DIAPH3: variants seen among roughly 807,000 people sequenced by gnomAD.
The protein encoded by DIAPH3 is protein diaphanous homolog 3.
Under a neutral mutation model 144.3 loss-of-function variants are expected in DIAPH3, and 117 were observed. The observed-to-expected ratio is 0.81, with a 90% confidence interval of 0.70 to 0.95. DIAPH3 has a LOEUF of 0.95. Among genes scored for constraint, DIAPH3 ranks in the 40% least tolerant of loss-of-function variants. DIAPH3 has a pLI of 0.00. For synonymous variants in DIAPH3, 519 were observed against 488.9 expected (o/e 1.06, Z -0.81); for missense variants, 1,421 against 1,412.7 (o/e 1.01, Z -0.09).
chr13:59,729,102 AAAG>A (rs376352308), intron 27 of DIAPH3, among the ~76,000 whole-genome samples: 15 of 152,228 alleles, frequency 9.9e-5, no homozygotes, highest in Admixed American at 7.2e-4. Context: ...TTCATGTGGC[AAAG>A]AAGAGAGGCA....
At chr13:59,907,711 A>C (rs535069171) in intron 20 of DIAPH3, among the ~76,000 whole-genome samples, 22 of 152,336 alleles carry the variant, frequency 1.4e-4, no homozygotes, top group African/African-American at 4.3e-4. Flanking sequence ...AACCACAAGG[A>C]GATCAGTTCA....
chr13:59,987,819 A>AT (rs1035190855), intron 12 of DIAPH3, among the ~76,000 whole-genome samples: 2 of 149,908 alleles, frequency 1.3e-5, no homozygotes, highest in African/African-American at 4.9e-5. Flanking sequence ...GAAAGGGACA[A>AT]AAAAAAAAAG....
rs928385662 is a variant in DIAPH3 at position 59,666,849 on chromosome 13, A to G, written c.3320-3T>C. ...TGTCAACTGCACTTTCTGATTTTCT[A>G]CAGTAAGGAAAAAAGAAACATAAAA... On this transcript the variant is annotated splice_polypyrimidine_tract_variant and splice_region_variant and intron_variant, in intron 27 of 27. Transcript: ENST00000400324. 3 of 1,614,088 alleles carry G rather than the reference A, an allele frequency of 1.9e-6. No homozygotes were observed. The highest frequency in any genetic ancestry group is 1.7e-6 in the Non-Finnish European group (2 of 1,179,970).
Position 59,970,056 on chromosome 13 carries a change from G to A in DIAPH3, c.1962C>T (p.Ile654=), listed in dbSNP as rs776955930. 2.5e-6 allele frequency: 4 copies of A among 1,571,150 alleles called. No homozygotes were observed. The South Asian group carries it at 4.5e-5, about 18-fold the overall frequency. Residue 654 remains isoleucine, a splice_region_variant and synonymous_variant, in exon 17 of 28, where the codon ATC becomes ATT. Coordinates refer to ENST00000400324, the MANE Select transcript of DIAPH3 (RefSeq NM_001042517.2). ...AGTTTTCAGTCATTTCATGAGGTCT[G>A]ATCTACAATCAGAGAGAAGACTGAT... ...ISMRRLNWLK[I]RPHEMTENCF...
chr13:59,680,545 AGAAGACTTCTT>A (rs1593563617), intron 27 of DIAPH3, among the ~76,000 whole-genome samples: 3 of 151,950 alleles, frequency 2.0e-5, no homozygotes, highest in Admixed American at 1.3e-4. Context: ...TTAGGATCTA[AGAAGACTTCTT>A]TCCTTAGTCT....
chr13:59,996,329 A>G (rs138308746), intron 9 of DIAPH3, among the ~76,000 whole-genome samples: 261 of 152,204 alleles, frequency 1.7e-3, no homozygotes, highest in African/African-American at 5.9e-3. Flanking sequence ...TAAAAAGTCT[A>G]TGTAAAGACA....
At chr13:60,010,737 A>G in intron 7 of DIAPH3, 68 bp from the exon 8 acceptor site, 4 of 1,498,478 alleles carry the variant, frequency 2.7e-6, no homozygotes, top group Non-Finnish European at 3.7e-6. Flanking sequence ...CCTGAAGGAA[A>G]TGTAGTTATT....
At chr13:59,912,348 T>C (rs1191417758) in intron 19 of DIAPH3, among the ~76,000 whole-genome samples, 1 of 152,122 alleles carries the variant, frequency 6.6e-6, no homozygotes, top group Admixed American at 6.5e-5. Context: ...ACAGTTTTAA[T>C]AATAAAAACT....
intron 22 of DIAPH3, among the ~76,000 whole-genome samples, chr13:59,858,730 C>T (rs2043400474): frequency 6.6e-6 from 1 of 151,896 alleles, no homozygotes; most frequent in Non-Finnish European, 1.5e-5. Flanking sequence ...TGTATTGAAC[C>T]TTAGAAGTCC....
intron 17 of DIAPH3, among the ~76,000 whole-genome samples, chr13:59,928,515 T>C (rs1324305405): frequency 6.6e-6 from 1 of 152,192 alleles, no homozygotes; most frequent in Non-Finnish European, 1.5e-5. Context: ...TCACTTCTAA[T>C]TTTATAGAGT....
chr13:60,097,321 A>G (rs1004574875), intron 3 of DIAPH3, among the ~76,000 whole-genome samples: 4 of 152,028 alleles, frequency 2.6e-5, no homozygotes, highest in African/African-American at 9.7e-5. Flanking sequence ...TAGATTAATG[A>G]CCTTCCTGGG....
chr13:59,820,029 C>CAAGT (rs34961900), intron 24 of DIAPH3, among the ~76,000 whole-genome samples: 113,075 of 151,302 alleles, frequency 0.75, 42,537 homozygotes, highest in East Asian at 0.88. Flanking sequence ...TAAATGTTAA[C>CAAGT]AAGTATTATT....
chr13:60,125,149 A>G (rs958197645), intron 2 of DIAPH3, among the ~76,000 whole-genome samples: 2 of 152,126 alleles, frequency 1.3e-5, no homozygotes, highest in Non-Finnish European at 1.5e-5. Context: ...TAACAATTAC[A>G]TAGTCCTTAC....
intron 27 of DIAPH3, among the ~76,000 whole-genome samples, chr13:59,715,809 C>A (rs1057080177): frequency 1.3e-5 from 2 of 152,120 alleles, no homozygotes; most frequent in African/African-American, 2.4e-5. Context: ...TAAGGATAAT[C>A]TTCACTTGCC....
At chr13:60,015,751 C>T (rs888083447) in intron 7 of DIAPH3, among the ~76,000 whole-genome samples, 162 bp downstream of exon 7, 1 of 152,084 alleles carries the variant, frequency 6.6e-6, no homozygotes, top group Admixed American at 6.6e-5. Flanking sequence ...TATCAAGTTT[C>T]TCCTATTGCA....
chr13:59,877,610 C>A (rs571315294), intron 21 of DIAPH3, among the ~76,000 whole-genome samples: 2 of 152,250 alleles, frequency 1.3e-5, no homozygotes, highest in South Asian at 2.1e-4. Flanking sequence ...CTAAACAGTG[C>A]AGCTTAACCT....
chr13:59,742,316 G>A (rs564472148), intron 27 of DIAPH3, among the ~76,000 whole-genome samples: 14 of 151,056 alleles, frequency 9.3e-5, no homozygotes, highest in Non-Finnish European at 1.9e-4. Context: ...CAGAAATGAA[G>A]ACCCAAAGAA....
chr13:60,100,528 T>C (rs1030179782), intron 3 of DIAPH3, among the ~76,000 whole-genome samples: 2 of 152,186 alleles, frequency 1.3e-5, no homozygotes, highest in African/African-American at 4.8e-5. Context: ...GTCTGTAGTT[T>C]AGTTAGCAAT....
At chr13:59,951,303 G>A (rs2049084068) in intron 17 of DIAPH3, among the ~76,000 whole-genome samples, 2 of 152,032 alleles carry the variant, frequency 1.3e-5, no homozygotes, top group African/African-American at 2.4e-5. Context: ...ACTTCTTCCT[G>A]ACATCATGTG....
Sources: gnomAD v4.1 joint callset for allele counts (sites outside exome capture counted in the v4.1 genomes callset) on GRCh38, gnomAD v4.1.1 for gene constraint, MANE v1.5 for transcripts, NCBI Gene and HGNC (gene_info 2026-07-23, HGNC 2026-07-21) for gene names.